Variants in PPP2R3A observed in about 807,000 individuals in gnomAD.
The protein encoded by PPP2R3A is protein phosphatase 2 regulatory subunit B''alpha, also known as serine/threonine-protein phosphatase 2A regulatory subunit B'' subunit alpha.
A neutral mutation model predicts 106.9 loss-of-function variants in PPP2R3A; 80 were observed. That is an observed-to-expected ratio of 0.75 (90% CI 0.62 to 0.90). The LOEUF (loss-of-function observed/expected upper bound fraction) is 0.90. PPP2R3A is among the 40% of genes least tolerant of loss of function. The pLI is 0.00. For missense variants in PPP2R3A, 1,386 were observed against 1,350.4 expected (o/e 1.03, Z -0.41); for synonymous variants, 483 against 468.3 (o/e 1.03, Z -0.41).
At chr3:136,025,218 G>C (rs1490172682) in intron 2 of PPP2R3A, among the ~76,000 whole-genome samples, 2 of 152,044 alleles carry the variant, frequency 1.3e-5, no homozygotes, top group Non-Finnish European at 2.9e-5. Context: ...CTAAGAAGTA[G>C]ACATTGTAAT....
intron 1 of PPP2R3A, among the ~76,000 whole-genome samples, chr3:135,966,398 G>C (rs550970735): frequency 1.4e-3 from 207 of 152,302 alleles, no homozygotes; most frequent in African/African-American, 4.7e-3. Context: ...CGGCCCGCCA[G>C]GAGCCGGGGT....
intron 5 of PPP2R3A, among the ~76,000 whole-genome samples, chr3:136,059,915 T>C (rs1249010920): frequency 6.6e-6 from 1 of 152,106 alleles, no homozygotes; most frequent in Non-Finnish European, 1.5e-5. Flanking sequence ...CACTTATAAG[T>C]GGGAGCTAAA....
chr3:135,989,305 A>C (rs9853577), intron 1 of PPP2R3A, among the ~76,000 whole-genome samples: 2 of 151,972 alleles, frequency 1.3e-5, no homozygotes, highest in African/African-American at 2.4e-5. Context: ...TACACCTTCT[A>C]TTAGAGCATA....
In PPP2R3A at chr3:136,146,079, T is replaced by TAATA. The variant is rs1377194464; in HGVS notation, c.*914_*917dup. 3.3e-5 allele frequency: 5 copies of TAATA among 152,174 alleles called. No homozygotes were observed. Among genetic ancestry groups the TAATA allele is most frequent in the African/African-American group, 1.2e-4 (5 of 41,432 alleles). 9.4% of individuals were successfully genotyped at this position (152,174 alleles called of 1,614,324 possible). A position where few individuals can be genotyped will look rare whatever the true frequency, so the allele number is the denominator to read the frequency against. Reference sequence around the variant, plus strand: ...TTCCTCCCAGGAGTATTAGACTAGCTAATAGTAAAGGCCTCAACGTTATTC... The same window carrying TAATA: ...TTCCTCCCAGGAGTATTAGACTAGCTAATAAATAGTAAAGGCCTCAACGTTATTC... On this transcript the variant is annotated 3_prime_UTR_variant, in exon 14 of 14. Coordinates refer to ENST00000264977, the MANE Select transcript of PPP2R3A (RefSeq NM_002718.5).
At chr3:136,010,732 TC>T (rs1934038802) in intron 2 of PPP2R3A, among the ~76,000 whole-genome samples, 1 of 151,812 alleles carries the variant, frequency 6.6e-6, no homozygotes, top group South Asian at 2.1e-4. Flanking sequence ...ATCCCCAAAC[TC>T]CTGTCTAAGG....
intron 1 of PPP2R3A, among the ~76,000 whole-genome samples, chr3:135,979,372 CAA>C (rs58845726): frequency 5.4e-5 from 7 of 129,410 alleles, no homozygotes; most frequent in South Asian, 2.4e-4. Context: ...GACTCCATCT[CAA>C]AAAAAAAAAA....
At chr3:135,998,674 G>A (rs1933500420) in intron 1 of PPP2R3A, among the ~76,000 whole-genome samples, 1 of 152,124 alleles carries the variant, frequency 6.6e-6, no homozygotes, top group Non-Finnish European at 1.5e-5. Flanking sequence ...TAAAATATAT[G>A]TAAAAGAATG....
chr3:136,120,797 C>T (rs1937967565), intron 13 of PPP2R3A, among the ~76,000 whole-genome samples: 1 of 152,048 alleles, frequency 6.6e-6, no homozygotes. Context: ...AAAAGTGAGA[C>T]ATACAAGCAG....
chr3:136,071,943 C>T (rs886243987), intron 6 of PPP2R3A, among the ~76,000 whole-genome samples: 1 of 152,084 alleles, frequency 6.6e-6, no homozygotes, highest in Non-Finnish European at 1.5e-5. Flanking sequence ...GATATCTGCT[C>T]GGTTCCCTTA....
At chr3:136,069,578 A>C (rs1179448851) in intron 5 of PPP2R3A, among the ~76,000 whole-genome samples, 7 of 152,228 alleles carry the variant, frequency 4.6e-5, no homozygotes. Flanking sequence ...ACTCTGTCTC[A>C]AAAAATAAAA....
chr3:136,033,705 G>A (rs911070851), intron 3 of PPP2R3A, among the ~76,000 whole-genome samples: 1 of 152,058 alleles, frequency 6.6e-6, no homozygotes, highest in East Asian at 1.9e-4. Context: ...ATGATCTTCT[G>A]TATTTCTGTG....
intron 13 of PPP2R3A, among the ~76,000 whole-genome samples, chr3:136,115,003 C>G (rs1455124462): frequency 6.6e-6 from 1 of 152,190 alleles, no homozygotes; most frequent in Admixed American, 6.5e-5. Flanking sequence ...CAACAGACAC[C>G]TCATACAGGA....
intron 4 of PPP2R3A, among the ~76,000 whole-genome samples, chr3:136,044,405 G>A (rs1408344280): frequency 6.6e-6 from 1 of 152,080 alleles, no homozygotes; most frequent in East Asian, 1.9e-4. Context: ...TACCCTGTAA[G>A]GAGCTTACAG....
At chr3:136,137,534 A>ATTTTTTGTTTTTTTTTTTTTTTTTT (rs1938669515) in intron 13 of PPP2R3A, among the ~76,000 whole-genome samples, 1 of 40,528 alleles carries the variant, frequency 2.5e-5, no homozygotes, top group Non-Finnish European at 4.7e-5. Flanking sequence ...TCTGTCAGAG[A>ATTTTTTGTTTTTTTTTTTTTTTTTT]TTTTTTTTTT....
In PPP2R3A at chr3:136,063,993, A is replaced by G. The variant is rs542380883; in HGVS notation, c.2470-6485A>G. On this transcript the variant is annotated intron_variant, in intron 5 of 13. Transcript: ENST00000264977. ...GTATGTTTATTGCGGCACTATTCAC[A>G]ATAGCAAAGACTTGGAACCAACCCA... Among the ~76,000 whole-genome samples, 4 of 151,350 alleles carry G rather than the reference A, an allele frequency of 2.6e-5. No individual in the cohort carries two copies. The South Asian group carries it at 6.3e-4, about 24-fold the overall frequency.
chr3:136,097,722 C>G (rs1026672727), intron 10 of PPP2R3A, among the ~76,000 whole-genome samples: 5 of 152,074 alleles, frequency 3.3e-5, no homozygotes, highest in African/African-American at 4.8e-5. Flanking sequence ...GATTTTGGTT[C>G]TCTTAAGATA....
chr3:136,031,180 T>C (rs1261127461), intron 3 of PPP2R3A, among the ~76,000 whole-genome samples: 4 of 152,160 alleles, frequency 2.6e-5, no homozygotes, highest in Admixed American at 2.0e-4. Context: ...TATCACATTG[T>C]GGTTTTGCAG....
intron 1 of PPP2R3A, among the ~76,000 whole-genome samples, chr3:135,977,056 G>A (rs1332959755): frequency 6.6e-6 from 1 of 151,698 alleles, no homozygotes; most frequent in Non-Finnish European, 1.5e-5. Flanking sequence ...TTCTTGGTAA[G>A]GCAAGGTCCT....
intron 3 of PPP2R3A, 52 bp downstream of exon 3, chr3:136,027,150 T>G: frequency 6.7e-7 from 1 of 1,494,516 alleles, no homozygotes; most frequent in Non-Finnish European, 9.0e-7. Context: ...GAAACCCTGA[T>G]CCCCTCCCCT....
Sources: gnomAD v4.1 joint callset for allele counts (sites outside exome capture counted in the v4.1 genomes callset) on GRCh38, gnomAD v4.1.1 for gene constraint, MANE v1.5 for transcripts, NCBI Gene and HGNC (gene_info 2026-07-23, HGNC 2026-07-21) for gene names.